Variants in APP observed in about 807,000 individuals in gnomAD.
APP encodes amyloid beta precursor protein.
A neutral mutation model predicts 101.4 loss-of-function variants in APP; 31 were observed. The ratio of observed to expected loss-of-function variants is 0.31; its 90% CI spans 0.23 to 0.41. APP has a LOEUF of 0.41. Ranked by LOEUF, APP falls within the 10% of genes least tolerant of loss-of-function variation. The pLI is 1.00. For synonymous variants in APP, 366 were observed against 364.4 expected, an observed-to-expected ratio of 1.00 and a Z score of -0.05; for missense variants, 839 against 1,003.7, an observed-to-expected ratio of 0.84 and a Z score of 2.22.
rs459543 is a variant in APP at position 26,170,731 on chromosome 21, C to T, written c.-111G>A. 1.1e-5 allele frequency: 13 copies of T among 1,143,520 alleles called. No individual in the cohort carries two copies. The Admixed American group carries it at 1.4e-4, about 13-fold the overall frequency. The allele number at this position is 1,143,520 out of a possible 1,614,324, so 70.8% of individuals were successfully genotyped here. ...GTCTCCCGGGGCCCCCGCGCACGCT[C>T]CTCCGCGTGCTCTCGCCTACCGCTG... On this transcript the variant is annotated 5_prime_UTR_variant, in exon 1 of 18. Transcript: ENST00000346798.
intron 3 of APP, among the ~76,000 whole-genome samples, chr21:26,087,754 G>C (rs546629761): frequency 9.3e-4 from 142 of 152,280 alleles, no homozygotes; most frequent in South Asian, 1.7e-3. Context: ...GGTGAGGACA[G>C]GTCATTAACT....
intron 1 of APP, among the ~76,000 whole-genome samples, chr21:26,116,214 G>A (rs2062431932): frequency 6.6e-6 from 1 of 152,090 alleles, no homozygotes; most frequent in African/African-American, 2.4e-5. Flanking sequence ...CTGAACTACA[G>A]AGACGTACAT....
intron 5 of APP, among the ~76,000 whole-genome samples, chr21:26,030,880 C>T (rs2044788522): frequency 6.6e-6 from 1 of 152,124 alleles, no homozygotes; most frequent in Admixed American, 6.5e-5. Context: ...GGCTGTCTAA[C>T]AAATATTTGA....
chr21:26,119,272 A>G (rs1325900655), intron 1 of APP, among the ~76,000 whole-genome samples: 1 of 152,156 alleles, frequency 6.6e-6, no homozygotes, highest in Admixed American at 6.5e-5. Context: ...TGGCAGTACT[A>G]TTTTGCATGT....
chr21:25,956,077 A>T (rs2829998), intron 11 of APP, among the ~76,000 whole-genome samples: 2,324 of 152,336 alleles, frequency 0.015, 24 homozygotes, highest in Non-Finnish European at 0.023. Context: ...AGGTTAAGTT[A>T]GGTCCTTCTC....
At chr21:26,039,888 AAAT>A (rs1294538578) in intron 5 of APP, among the ~76,000 whole-genome samples, 2 of 152,154 alleles carry the variant, frequency 1.3e-5, no homozygotes, top group Non-Finnish European at 2.9e-5. Flanking sequence ...AAAATACTAT[AAAT>A]AATAACTTGA....
At chr21:25,978,767 C>T (rs944243713) in intron 9 of APP, among the ~76,000 whole-genome samples, 1 of 152,170 alleles carries the variant, frequency 6.6e-6, no homozygotes, top group Non-Finnish European at 1.5e-5. Context: ...TCCTGGCCAA[C>T]ATGGTGAAAC....
At chr21:26,129,105 G>A (rs1380473817) in intron 1 of APP, among the ~76,000 whole-genome samples, 1 of 152,130 alleles carries the variant, frequency 6.6e-6, no homozygotes, top group East Asian at 1.9e-4. Context: ...TATTTCAGAA[G>A]CAAATCATGA....
intron 3 of APP, among the ~76,000 whole-genome samples, chr21:26,084,054 C>G (rs1399339071): frequency 6.6e-6 from 1 of 152,018 alleles, no homozygotes; most frequent in East Asian, 1.9e-4. Context: ...ACGCTTCCTT[C>G]TTTTCAAAAT....
intron 14 of APP, among the ~76,000 whole-genome samples, chr21:25,907,360 T>C (rs1407790691): frequency 2.6e-5 from 4 of 152,128 alleles, no homozygotes; most frequent in African/African-American, 4.8e-5. Context: ...AATTATGATA[T>C]CATTGCCGAA....
intron 2 of APP, among the ~76,000 whole-genome samples, chr21:26,096,449 C>T (rs1262993420): frequency 8.2e-3 from 1 of 122 alleles, no homozygotes. Context: ...TCATTAGTGA[C>T]TGTATTTCAA....
chr21:25,927,115 C>T (rs755408931), intron 13 of APP, among the ~76,000 whole-genome samples: 12 of 151,276 alleles, frequency 7.9e-5, no homozygotes, highest in Non-Finnish European at 1.5e-4. Flanking sequence ...ATGAATTCGA[C>T]GGTATCTTTT....
chr21:26,048,982 A>T (rs1421329066), intron 5 of APP, among the ~76,000 whole-genome samples: 1 of 152,248 alleles, frequency 6.6e-6, no homozygotes, highest in Non-Finnish European at 1.5e-5. Context: ...AGTCACATAC[A>T]TGTATAAGGC....
At chr21:26,053,377 AT>A in intron 3 of APP, 29 bp from the exon 4 acceptor site, 1 of 1,433,514 alleles carries the variant, frequency 7.0e-7, no homozygotes, top group East Asian at 2.3e-5. Flanking sequence ...ACTTCCCGTC[AT>A]TCCATCTGTA....
intron 13 of APP, among the ~76,000 whole-genome samples, chr21:25,930,049 G>A (rs1005969722): frequency 5.9e-5 from 9 of 152,124 alleles, no homozygotes; most frequent in Non-Finnish European, 8.8e-5. Context: ...GTCCAGCTGC[G>A]TGCTGGACTG....
chr21:26,169,670 C>G (rs45438303), intron 1 of APP, among the ~76,000 whole-genome samples: 11 of 152,264 alleles, frequency 7.2e-5, no homozygotes, highest in Admixed American at 7.2e-4. Context: ...ACGCGCAGCC[C>G]CGGGAAGGGA....
intron 1 of APP, among the ~76,000 whole-genome samples, chr21:26,141,866 G>A (rs904717293): frequency 4.4e-4 from 67 of 152,156 alleles, no homozygotes; most frequent in African/African-American, 1.6e-3. Context: ...CAAAAATTCA[G>A]AAAGGCAATG....
intron 5 of APP, among the ~76,000 whole-genome samples, chr21:26,046,676 T>A (rs544307034): frequency 6.6e-6 from 1 of 152,084 alleles, no homozygotes; most frequent in Admixed American, 6.5e-5. Context: ...TTAAAAAAAA[T>A]GTGAGTACCT....
intron 13 of APP, among the ~76,000 whole-genome samples, chr21:25,938,811 G>A (rs1036414360): frequency 6.6e-6 from 1 of 152,088 alleles, no homozygotes; most frequent in Non-Finnish European, 1.5e-5. Context: ...CAGAAGTCAC[G>A]TAGGGCAGTA....
Sources: allele counts gnomAD v4.1 joint callset (sites outside exome capture counted in the v4.1 genomes callset), GRCh38; gene constraint gnomAD v4.1.1; transcripts MANE v1.5; gene names NCBI Gene and HGNC (gene_info 2026-07-23, HGNC 2026-07-21).